SASH1: variants seen among roughly 807,000 people sequenced by gnomAD.
SASH1 encodes SAM and SH3 domain-containing protein 1.
Under a neutral mutation model 125.2 loss-of-function variants are expected in SASH1, and 44 were observed. The observed-to-expected ratio is 0.35, with a 90% CI of 0.28 to 0.45. The LOEUF is 0.45. Among genes scored for constraint, SASH1 ranks in the 20% least tolerant of loss-of-function variants. The probability of loss-of-function intolerance (pLI) is 1.00; values close to 1 mark genes in which losing one functional copy is unlikely to be tolerated. For synonymous variants in SASH1, 639 were observed against 649.1 expected (o/e 0.98, Z 0.24); for missense variants, 1,426 against 1,614.5 (o/e 0.88, Z 2.00).
At chr6:148,344,486 A>G (rs958461522) in intron 1 of SASH1, among the ~76,000 whole-genome samples, 1 of 152,170 alleles carries the variant, frequency 6.6e-6, no homozygotes, top group Non-Finnish European at 1.5e-5. Context: ...TATGATTCTT[A>G]CTATACAGAG....
chr6:148,210,954 A>C, the SASH1 span, among the ~76,000 whole-genome samples: 1 of 152,242 alleles, frequency 6.6e-6, no homozygotes, highest in Non-Finnish European at 1.5e-5. Context: ...CTGTTAAAAA[A>C]GAAAACATTG....
At chr6:148,513,167 T>C in intron 8 of SASH1, 1 of 985,454 alleles carries the variant, frequency 1.0e-6, no homozygotes, top group Non-Finnish European at 1.2e-6. Flanking sequence ...GAGCTTTTCT[T>C]TGGGAGAAAA....
At chr6:148,433,548 G>A (rs572523601) in intron 2 of SASH1, among the ~76,000 whole-genome samples, 2 of 151,830 alleles carry the variant, frequency 1.3e-5, no homozygotes, top group South Asian at 4.2e-4. Flanking sequence ...TGGGACTACA[G>A]GTGTGTGCCT....
chr6:148,544,369 AAAG>A lies in SASH1; in HGVS notation c.2903_2905del (p.Glu968del), dbSNP rs1220412662. 1.2e-6 allele frequency: 2 copies of A among 1,614,196 alleles called. No individual in the cohort carries two copies. Among genetic ancestry groups the A allele is most frequent in the Non-Finnish European group, 8.5e-7 (1 of 1,180,038 alleles). On this transcript the variant is annotated inframe_deletion, in exon 18 of 20. Transcript: ENST00000367467. The surrounding 1 kb of genome is among the most constrained non-coding windows in gnomAD (Gnocchi z 6.4). ...AGGAACACACCATCCCCTGGGCACC[AAAG>A]AAGGGGTAGATGCTGAGCAGAGAAT...
At chr6:148,538,949 C>T (rs575408398) in intron 16 of SASH1, among the ~76,000 whole-genome samples, 14 of 152,316 alleles carry the variant, frequency 9.2e-5, no homozygotes, top group African/African-American at 3.4e-4. Context: ...AGATGTTCTG[C>T]GTGTAACCTC....
intron 2 of SASH1, among the ~76,000 whole-genome samples, chr6:148,425,701 TCTCCCCTCCC>T (rs1775783818): frequency 1.3e-5 from 1 of 79,192 alleles, no homozygotes; most frequent in Non-Finnish European, 2.4e-5. Flanking sequence ...CCCCTCCCCT[TCTCCCCTCCC>T]ATCCCCCTCT....
At chr6:148,419,803 G>A (rs1235131698) in intron 2 of SASH1, among the ~76,000 whole-genome samples, 1 of 152,182 alleles carries the variant, frequency 6.6e-6, no homozygotes, top group Admixed American at 6.5e-5. Context: ...TTTCTATGTA[G>A]TAATATGCAT....
At chr6:148,393,590 C>A (rs1783823793) in intron 2 of SASH1, 1 of 560,264 alleles carries the variant, frequency 1.8e-6, no homozygotes, top group Non-Finnish European at 2.3e-6. Context: ...GAGAGAAAGT[C>A]TGCCCATCGG....
At chr6:148,509,171 G>A in intron 8 of SASH1, 1 of 339,784 alleles carries the variant, frequency 2.9e-6, no homozygotes, top group Non-Finnish European at 5.8e-6. Context: ...TCCTGGGGAG[G>A]ACTTGAATTC....
At chr6:148,501,049 G>A (rs1024460974) in intron 8 of SASH1, among the ~76,000 whole-genome samples, 3 of 151,406 alleles carry the variant, frequency 2.0e-5, no homozygotes, top group East Asian at 3.9e-4. Flanking sequence ...GTTGTAGATC[G>A]TCAGTCTAGG....
intron 2 of SASH1, among the ~76,000 whole-genome samples, chr6:148,409,259 C>T (rs535814130): frequency 3.9e-5 from 6 of 152,286 alleles, no homozygotes; most frequent in East Asian, 1.9e-4. Context: ...TTGTGCCTCA[C>T]GGTGACTTGT....
chr6:148,358,801 T>A (rs935406189), intron 1 of SASH1, among the ~76,000 whole-genome samples: 1 of 146,014 alleles, frequency 6.8e-6, no homozygotes, highest in South Asian at 2.2e-4. Flanking sequence ...AGTGGCGTGA[T>A]CTCGGCTCAC....
the SASH1 span, among the ~76,000 whole-genome samples, chr6:148,203,842 C>A: frequency 2.0e-5 from 3 of 152,184 alleles, no homozygotes; most frequent in Non-Finnish European, 4.4e-5. Context: ...TTATTAATAT[C>A]ACAAAAGCTC....
the SASH1 span, among the ~76,000 whole-genome samples, chr6:148,230,389 G>A: frequency 6.6e-6 from 1 of 151,666 alleles, no homozygotes; most frequent in South Asian, 2.1e-4. Flanking sequence ...TATAGCCCAG[G>A]CTAGTCTCCA....
chr6:148,230,062 C>T, the SASH1 span, among the ~76,000 whole-genome samples: 1 of 152,088 alleles, frequency 6.6e-6, no homozygotes, highest in Non-Finnish European at 1.5e-5. Flanking sequence ...GTAGTCATTT[C>T]CTGTTCACCC....
At chr6:148,362,058 C>T (rs1161018028) in intron 1 of SASH1, among the ~76,000 whole-genome samples, 10 of 150,158 alleles carry the variant, frequency 6.7e-5, no homozygotes, top group Admixed American at 2.7e-4. Flanking sequence ...GGACTACAGA[C>T]GCCCACAACC....
chr6:148,520,152 C>G, intron 10 of SASH1: 1 of 460,594 alleles, frequency 2.2e-6, no homozygotes, highest in South Asian at 2.8e-5. Flanking sequence ...GGTGCGCGGG[C>G]GCACCTCGGT....
At chr6:148,300,575 A>G (rs1210086131) in intron 1 of SASH1, among the ~76,000 whole-genome samples, 3 of 149,836 alleles carry the variant, frequency 2.0e-5, no homozygotes, top group Non-Finnish European at 4.4e-5. Context: ...CAGCCTCCCC[A>G]GTAGCTGGAA....
the SASH1 span, among the ~76,000 whole-genome samples, chr6:148,208,984 C>T: frequency 1.5e-4 from 23 of 152,256 alleles, no homozygotes; most frequent in South Asian, 3.1e-3. Context: ...TGCTGGGCAT[C>T]GATATTGAAC....
Sources: gnomAD v4.1 joint callset for allele counts (sites outside exome capture counted in the v4.1 genomes callset) on GRCh38, gnomAD v4.1.1 for gene constraint, Gnocchi (gnomAD v3.1) non-coding constraint, MANE v1.5 for transcripts, NCBI Gene and HGNC (gene_info 2026-07-23, HGNC 2026-07-21) for gene names.